EFHD1: variants seen among roughly 807,000 people sequenced by gnomAD.
EFHD1 encodes EF-hand domain-containing protein D1.
EFHD1 carries 10 observed loss-of-function variants against 17.2 expected under a neutral mutation model. That is an observed-to-expected ratio of 0.58 (90% CI 0.36 to 0.99). The LOEUF (loss-of-function observed/expected upper bound fraction) is 0.99. Among genes scored for constraint, EFHD1 ranks in the 50% least tolerant of loss-of-function variants. The probability of loss-of-function intolerance (pLI) is 0.01; values close to 1 mark genes in which losing one functional copy is unlikely to be tolerated. For missense variants in EFHD1, 310 were observed against 327.5 expected (o/e 0.95, Z 0.41); for synonymous variants, 153 against 142.0 (o/e 1.08, Z -0.55).
In EFHD1 at chr2:232,662,792, G is replaced by C. The variant is rs995401582; in HGVS notation, c.303-10G>C. ...TTTCATCCCGGTCATGCATTCCTTT[G>C]ACCCTGCAGGTATGACGCTGGGCGG... On this transcript the variant is annotated splice_polypyrimidine_tract_variant and intron_variant, in intron 1 of 3. Coordinates refer to ENST00000264059, the MANE Select transcript of EFHD1 (RefSeq NM_025202.4). 1.8e-5 allele frequency: 28 copies of C among 1,561,176 alleles called. No individual in the cohort carries two copies. Among genetic ancestry groups the C allele is most frequent in the Non-Finnish European group, 2.4e-5 (28 of 1,160,178 alleles).
chr2:232,681,593 C>G lies in EFHD1; in HGVS notation c.594C>G (p.Ala198=). Residue 198 remains alanine, a synonymous_variant, in exon 4 of 4, where the codon GCC becomes GCG. Coordinates refer to ENST00000264059, the MANE Select transcript of EFHD1 (RefSeq NM_025202.4). ...CTGCTATTTCTCTGCAGGTCCAAGC[C>G]TTGTCATCGGCCAGTAAGTTTGAAG... ...AKNFFEAKVQ[A]LSSASKFEAE... 1 of 1,614,084 alleles carries G rather than the reference C, an allele frequency of 6.2e-7. No homozygotes were observed.
At chr2:232,657,805 T>C (rs1574724220) in intron 1 of EFHD1, among the ~76,000 whole-genome samples, 1 of 131,070 alleles carries the variant, frequency 7.6e-6, no homozygotes, top group Admixed American at 7.7e-5. Context: ...AGAATGAAAC[T>C]CCATCTCAAA....
At chr2:232,614,907 T>C (rs1693893370) in intron 1 of EFHD1, among the ~76,000 whole-genome samples, 1 of 152,052 alleles carries the variant, frequency 6.6e-6, no homozygotes, top group Non-Finnish European at 1.5e-5. Context: ...GCCCAGGAGA[T>C]GAAGGCTGCT....
intron 1 of EFHD1, among the ~76,000 whole-genome samples, chr2:232,645,903 C>T (rs1313874429): frequency 6.6e-6 from 1 of 152,146 alleles, no homozygotes; most frequent in Admixed American, 6.6e-5. Flanking sequence ...GTCACATGCC[C>T]GTCTCACTAA....
intron 1 of EFHD1, among the ~76,000 whole-genome samples, chr2:232,620,990 T>C (rs1694008429): frequency 6.6e-6 from 1 of 151,976 alleles, no homozygotes; most frequent in African/African-American, 2.4e-5. Flanking sequence ...GGGGCACGGA[T>C]GGCAAGGAAT....
chr2:232,653,438 G>A lies in EFHD1; in HGVS notation c.303-9364G>A, dbSNP rs575540934. 5.9e-5 allele frequency among the ~76,000 whole-genome samples: 9 copies of A among 152,194 alleles called. No homozygotes were observed. The East Asian group carries it at 7.7e-4, about 13-fold the overall frequency. On this transcript the variant is annotated intron_variant, in intron 1 of 3. Transcript: ENST00000264059. ...CTCAAGTAGCTGGGATTACAGGCAC[G>A]CGCCACCAGGTCCAGCTAATTTTTG...
intron 2 of EFHD1, among the ~76,000 whole-genome samples, chr2:232,666,086 C>T (rs1322537035): frequency 2.0e-5 from 3 of 152,144 alleles, no homozygotes; most frequent in African/African-American, 7.2e-5. Flanking sequence ...AGCCACAAGC[C>T]CCTCCCTCAG....
rs1693878800 is a variant in EFHD1 at position 232,614,292 on chromosome 2, C to T, written c.14+8119C>T. Among the ~76,000 whole-genome samples the T allele has an allele frequency of 2.0e-5, 3 of 152,094 alleles. No individual in the cohort carries two copies. The South Asian group carries it at 6.2e-4, about 32-fold the overall frequency. ...TCAGATTTTTTTTCAGTAAAAGTGA[C>T]CCTGAGTGTGCCTGCCTCTCCTGCC... is the stretch of plus-strand genomic sequence containing the variant. On this transcript the variant is annotated intron_variant, in intron 1 of 3. Transcript: ENST00000409613.
chr2:232,636,346 G>A (rs774732362), intron 1 of EFHD1, among the ~76,000 whole-genome samples: 12 of 152,144 alleles, frequency 7.9e-5, no homozygotes, highest in Admixed American at 2.6e-4. Context: ...TTATTTAAAA[G>A]CTCTGTGCCA....
chr2:232,617,468 C>T (rs34021419), intron 1 of EFHD1, among the ~76,000 whole-genome samples: 32,403 of 149,950 alleles, frequency 0.22, 4,042 homozygotes, highest in East Asian at 0.58. Context: ...GCTGACACGG[C>T]GAAACCCCGT....
At position 232,626,117 on chromosome 2, in the gene EFHD1, G is replaced by A. The variant is rs565258609; in HGVS notation, c.14+19944G>A. 5.3e-5 allele frequency among the ~76,000 whole-genome samples: 8 copies of A among 152,164 alleles called. No homozygotes were observed. In the East Asian group the frequency reaches 7.7e-4, roughly 15 times the overall value. Reference sequence around the variant, plus strand: ...TAAGGTAGGAGGATTGCTTGATCCCGGGAGGTTGAGGCTGCAGTGAGCCAT... The same window carrying A: ...TAAGGTAGGAGGATTGCTTGATCCCAGGAGGTTGAGGCTGCAGTGAGCCAT... On this transcript the variant is annotated intron_variant, in intron 1 of 3. Transcript: ENST00000409613.
At chr2:232,662,619 T>A (rs1694893755) in intron 1 of EFHD1, 183 bp from the exon 2 acceptor site, 1 of 629,608 alleles carries the variant, frequency 1.6e-6, no homozygotes, top group African/African-American at 1.9e-5. Flanking sequence ...CTGCTTTGAG[T>A]CATACAAAGC....
chr2:232,637,343 C>CTT lies in EFHD1; in HGVS notation c.302+3354_302+3355dup, dbSNP rs575182576. ...GTTTCTGTGTCTTCACATGGCCTTC[C>CTT]TTTTTTTTTTTTTTTTTTGAGATGG... On this transcript the variant is annotated intron_variant, in intron 1 of 3. Coordinates refer to ENST00000264059, the MANE Select transcript of EFHD1 (RefSeq NM_025202.4). Among the ~76,000 whole-genome samples, 892 of 127,652 alleles carry CTT rather than the reference C, an allele frequency of 7.0e-3. 35 individuals are homozygous for CTT. The highest frequency in any genetic ancestry group is 0.053 in the Admixed American group (606 of 11,404). The allele number at this position is 127,652 out of a possible 152,430, so 83.7% of individuals were successfully genotyped here.
rs1452377920 is a variant in EFHD1 at position 232,662,907 on chromosome 2, G to A, written c.408G>A (p.Lys136=). The A allele has an allele frequency of 5.6e-6, 9 of 1,595,090 alleles. No individual in the cohort carries two copies. The highest frequency in any genetic ancestry group is 7.7e-6 in the Non-Finnish European group (9 of 1,173,088). ...QTHLGLKSMI[K]EVDEDFDGKL... ...ACCTGGGCCTGAAGAGCATGATCAA[G>A]GAGGTGGATGAGGACTTCGATGGCA... Residue 136 remains lysine (K), a synonymous_variant, in exon 2 of 4, where the codon AAG becomes AAA. Coordinates refer to ENST00000264059, the MANE Select transcript of EFHD1 (RefSeq NM_025202.4).
chr2:232,616,423 T>C (rs1330083914), intron 1 of EFHD1, among the ~76,000 whole-genome samples: 1 of 152,036 alleles, frequency 6.6e-6, no homozygotes, highest in African/African-American at 2.4e-5. Flanking sequence ...CTCAGCCTCC[T>C]GAGTAGCTGG....
chr2:232,662,940 C>T lies in EFHD1; in HGVS notation c.441C>T (p.Ser147=). 4 of 1,584,316 alleles carry T rather than the reference C, an allele frequency of 2.5e-6. No individual in the cohort carries two copies. The highest frequency in any genetic ancestry group is 3.4e-6 in the Non-Finnish European group (4 of 1,168,696). The change falls in exon 2 of 4, where the codon AGC becomes AGT. Residue 147 remains serine, a synonymous_variant. Coordinates refer to ENST00000264059, the MANE Select transcript of EFHD1 (RefSeq NM_025202.4). ...EVDEDFDGKL[S]FREFLLIFHK... ...ATGAGGACTTCGATGGCAAGCTCAG[C>T]TTCCGGGAGGTACCTGCCTGCTGTG... is the stretch of plus-strand genomic sequence containing the variant.
At chr2:232,641,425 C>A (rs1223544258) in intron 1 of EFHD1, among the ~76,000 whole-genome samples, 1 of 152,148 alleles carries the variant, frequency 6.6e-6, no homozygotes, top group Non-Finnish European at 1.5e-5. Flanking sequence ...TACTCTGACT[C>A]CCTGGCGTGA....
At chr2:232,666,488 G>A (rs1694968377) in intron 2 of EFHD1, among the ~76,000 whole-genome samples, 2 of 152,204 alleles carry the variant, frequency 1.3e-5, no homozygotes, top group South Asian at 4.1e-4. Context: ...AGGGTGTTTC[G>A]TGGCTTGCAA....
At chr2:232,625,145 T>C (rs1694085290) in intron 1 of EFHD1, among the ~76,000 whole-genome samples, 1 of 152,210 alleles carries the variant, frequency 6.6e-6, no homozygotes, top group African/African-American at 2.4e-5. Context: ...TGTTTGTTTT[T>C]TGAGACAAAG....
Sources: gnomAD v4.1 joint callset for allele counts (sites outside exome capture counted in the v4.1 genomes callset) on GRCh38, gnomAD v4.1.1 for gene constraint, MANE v1.5 for transcripts, NCBI Gene and HGNC (gene_info 2026-07-23, HGNC 2026-07-21) for gene names.